WDR72: variants seen among roughly 807,000 people sequenced by gnomAD.
WDR72 encodes WD repeat domain 72.
In WDR72, 120 loss-of-function variants were observed where a neutral mutation model predicts 124.2. That is an observed-to-expected ratio of 0.97 (90% CI 0.83 to 1.12). The LOEUF is 1.12. WDR72 is among the 50% of genes most tolerant of loss of function. WDR72 has a pLI of 0.00. For missense variants in WDR72, 1,387 were observed against 1,278.8 expected, an observed-to-expected ratio of 1.08 and a Z score of -1.29; for synonymous variants, 452 against 441.7, an observed-to-expected ratio of 1.02 and a Z score of -0.29.
At chr15:53,629,329 A>G (rs111363692) in intron 14 of WDR72, among the ~76,000 whole-genome samples, 90 of 152,298 alleles carry the variant, frequency 5.9e-4, no homozygotes, top group African/African-American at 1.9e-3. Flanking sequence ...ACTAATACTC[A>G]GAAAGATAGC....
At chr15:53,607,684 G>A (rs2013346763) in intron 17 of WDR72, among the ~76,000 whole-genome samples, 1 of 152,170 alleles carries the variant, frequency 6.6e-6, no homozygotes, top group African/African-American at 2.4e-5. Context: ...AAAAGCTTCT[G>A]CATAGCAAAG....
chr15:53,522,920 T>C (rs1173095645), intron 19 of WDR72, among the ~76,000 whole-genome samples: 1 of 152,082 alleles, frequency 6.6e-6, no homozygotes, highest in African/African-American at 2.4e-5. Flanking sequence ...CATTTCTCTA[T>C]AGTTTCCAAT....
rs530202032 is a variant in WDR72 at position 53,744,843 on chromosome 15, G to C, written c.-12-11682C>G. Among the ~76,000 whole-genome samples, 271 of 152,274 alleles carry C rather than the reference G, an allele frequency of 1.8e-3. 1 individual carries two copies. The highest frequency in any genetic ancestry group is 3.5e-3 in the Non-Finnish European group (237 of 68,018). On this transcript the variant is annotated intron_variant, in intron 1 of 19. Coordinates refer to ENST00000360509, the MANE Select transcript of WDR72 (RefSeq NM_182758.4). ...TGAGGAAGTGGAGGAAAGGTGGTGTGACCTTCCTAGGACCAAAGCATAGTC... is the reference window on the plus strand; with the variant it reads ...TGAGGAAGTGGAGGAAAGGTGGTGTCACCTTCCTAGGACCAAAGCATAGTC...
rs1225093262 is a variant in WDR72, at chr15:53,516,678, T to TGTG, written c.*1020_*1021insCAC. On this transcript the variant is annotated 3_prime_UTR_variant, in exon 20 of 20. Transcript: ENST00000360509. ...TATTAGATACATAGATAGATAGATA[T>TGTG]AGCTATATATCACATATTTAATACT... 3.9e-5 allele frequency: 6 copies of TGTG among 152,072 alleles called. No individual in the cohort carries two copies. The highest frequency in any genetic ancestry group is 7.4e-5 in the Non-Finnish European group (5 of 67,984). The allele number at this position is 152,072 out of a possible 1,614,324, so 9.4% of individuals were successfully genotyped here. A position where few individuals can be genotyped will look rare whatever the true frequency, so the allele number is the denominator to read the frequency against.
intron 1 of WDR72, among the ~76,000 whole-genome samples, chr15:53,754,161 T>C (rs1418922406): frequency 6.6e-6 from 1 of 152,172 alleles, no homozygotes; most frequent in South Asian, 2.1e-4. Context: ...CTGTTTAGTC[T>C]AAGAGTCTTA....
intron 18 of WDR72, among the ~76,000 whole-genome samples, chr15:53,570,535 T>C (rs939391991): frequency 6.6e-6 from 1 of 152,110 alleles, no homozygotes; most frequent in Non-Finnish European, 1.5e-5. Flanking sequence ...CACAGTGAGA[T>C]ACTGTCTCAT....
chr15:53,596,039 C>T (rs1187314264), intron 18 of WDR72, among the ~76,000 whole-genome samples: 1 of 152,006 alleles, frequency 6.6e-6, no homozygotes, highest in East Asian at 1.9e-4. Flanking sequence ...CTCATAAAAA[C>T]AATGAGAAGA....
intron 14 of WDR72, among the ~76,000 whole-genome samples, chr15:53,618,211 C>T (rs1235442651): frequency 6.6e-6 from 1 of 151,874 alleles, no homozygotes; most frequent in Non-Finnish European, 1.5e-5. Flanking sequence ...AATTTCTTTG[C>T]TTTCATTTAG....
intron 18 of WDR72, among the ~76,000 whole-genome samples, chr15:53,586,500 T>C (rs74988852): frequency 0.017 from 2,543 of 152,172 alleles, 51 homozygotes; most frequent in East Asian, 0.11. Flanking sequence ...AATTTACAGA[T>C]TGGGTAACAG....
intron 18 of WDR72, among the ~76,000 whole-genome samples, chr15:53,575,680 T>C (rs943379613): frequency 6.6e-6 from 1 of 152,162 alleles, no homozygotes; most frequent in Non-Finnish European, 1.5e-5. Flanking sequence ...ATTAGAAAGA[T>C]TAGATCATGT....
intron 18 of WDR72, among the ~76,000 whole-genome samples, chr15:53,577,423 C>T (rs1006813964): frequency 2.0e-5 from 3 of 152,094 alleles, no homozygotes; most frequent in African/African-American, 7.2e-5. Flanking sequence ...AAAGACAAGA[C>T]TTCTGAGAGA....
At chr15:53,519,841 C>G (rs1014290459) in intron 19 of WDR72, among the ~76,000 whole-genome samples, 6 of 151,980 alleles carry the variant, frequency 3.9e-5, no homozygotes, top group Non-Finnish European at 8.8e-5. Flanking sequence ...AGACTGCAGC[C>G]CATTTACAAA....
chr15:53,753,982 G>A (rs916150108), intron 1 of WDR72, among the ~76,000 whole-genome samples: 2 of 152,152 alleles, frequency 1.3e-5, no homozygotes, highest in African/African-American at 4.8e-5. Flanking sequence ...GGCCTTGAAA[G>A]TGAGAATTCA....
At chr15:53,525,166 C>T (rs1399808174) in intron 18 of WDR72, among the ~76,000 whole-genome samples, 3 of 151,896 alleles carry the variant, frequency 2.0e-5, no homozygotes, top group Non-Finnish European at 4.4e-5. Context: ...TTTTTGAATC[C>T]ATAGATTTTT....
intron 18 of WDR72, among the ~76,000 whole-genome samples, chr15:53,541,757 A>C (rs375642308): frequency 7.8e-6 from 1 of 128,248 alleles, no homozygotes; most frequent in Non-Finnish European, 1.6e-5. Context: ...AAAATTTAGA[A>C]GAATGTATAA....
At chr15:53,653,985 A>G (rs1412763552) in intron 14 of WDR72, among the ~76,000 whole-genome samples, 1 of 152,202 alleles carries the variant, frequency 6.6e-6, no homozygotes, top group African/African-American at 2.4e-5. Context: ...ATGCTTAAAT[A>G]TACCCAGTCT....
chr15:53,745,526 T>C (rs1351769029), intron 1 of WDR72, among the ~76,000 whole-genome samples: 1 of 152,220 alleles, frequency 6.6e-6, no homozygotes, highest in African/African-American at 2.4e-5. Context: ...GTTGTCAGAT[T>C]TAGCAAATAA....
chr15:53,550,030 T>C (rs1024967226), intron 18 of WDR72, among the ~76,000 whole-genome samples: 8 of 152,146 alleles, frequency 5.3e-5, no homozygotes, highest in African/African-American at 1.9e-4. Flanking sequence ...GGAAGTTCAA[T>C]TAAACCAGAA....
intron 13 of WDR72, among the ~76,000 whole-genome samples, chr15:53,698,935 C>T (rs1267622106): frequency 2.6e-5 from 4 of 152,196 alleles, no homozygotes; most frequent in Admixed American, 2.0e-4. Flanking sequence ...ACCCTCTAAA[C>T]ACTAGTACAC....
Sources: gnomAD v4.1 joint callset for allele counts (sites outside exome capture counted in the v4.1 genomes callset) on GRCh38, gnomAD v4.1.1 for gene constraint, MANE v1.5 for transcripts, NCBI Gene and HGNC (gene_info 2026-07-23, HGNC 2026-07-21) for gene names.